Variants in TAFA2 observed in about 807,000 individuals in gnomAD.
TAFA2 encodes chemokine-like protein TAFA-2.
Under a neutral mutation model 18.8 loss-of-function variants are expected in TAFA2, and 7 were observed. The ratio of observed to expected loss-of-function variants is 0.37; its 90% CI spans 0.21 to 0.70. TAFA2 has a LOEUF of 0.70. TAFA2 is among the 30% of genes least tolerant of loss of function. The pLI is 0.53. For synonymous variants in TAFA2, 60 were observed against 54.2 expected (o/e 1.11, Z -0.47); for missense variants, 122 against 158.1 (o/e 0.77, Z 1.23).
intron 1 of TAFA2, among the ~76,000 whole-genome samples, chr12:62,137,669 C>G (rs1362523179): frequency 6.6e-6 from 1 of 152,122 alleles, no homozygotes; most frequent in Non-Finnish European, 1.5e-5. Flanking sequence ...CCACTCCAAC[C>G]ACCCTGATAC....
Position 61,943,293 on chromosome 12 carries a change from C to A in TAFA2, c.-1-75867G>T, listed in dbSNP as rs1878115843. ...CCACCAGGCCTGCCCTAAAAGAGCTCCTGAAGGAAGCACTAAACATGGAAA... is the reference window on the plus strand; with the variant it reads ...CCACCAGGCCTGCCCTAAAAGAGCTACTGAAGGAAGCACTAAACATGGAAA... On this transcript the variant is annotated intron_variant, in intron 1 of 4. Coordinates refer to ENST00000416284, the MANE Select transcript of TAFA2 (RefSeq NM_178539.5). Among the ~76,000 whole-genome samples, 4 of 148,328 alleles carry A rather than the reference C, an allele frequency of 2.7e-5. No individual in the cohort carries two copies. In the South Asian group the frequency reaches 8.7e-4, roughly 32 times the overall value.
intron 1 of TAFA2, among the ~76,000 whole-genome samples, chr12:61,933,573 G>C (rs950614623): frequency 3.3e-5 from 5 of 152,032 alleles, no homozygotes; most frequent in Admixed American, 1.3e-4. Context: ...AATTAGCCAG[G>C]AGTGGTGGTG....
At chr12:61,718,375 T>G (rs891288999) in intron 4 of TAFA2, among the ~76,000 whole-genome samples, 1 of 152,208 alleles carries the variant, frequency 6.6e-6, no homozygotes, top group Admixed American at 6.5e-5. Context: ...TTTCTGATTT[T>G]TAAGTAGCTA....
At chr12:62,132,781 G>A (rs1870742165) in intron 1 of TAFA2, among the ~76,000 whole-genome samples, 2 of 151,744 alleles carry the variant, frequency 1.3e-5, no homozygotes, top group South Asian at 4.1e-4. Flanking sequence ...TTTCAAATGA[G>A]CAAACAAATC....
At chr12:62,226,115 T>C (rs2062785265) in intron 1 of TAFA2, among the ~76,000 whole-genome samples, 1 of 152,226 alleles carries the variant, frequency 6.6e-6, no homozygotes, top group Non-Finnish European at 1.5e-5. Flanking sequence ...TCTCTTTACT[T>C]TCTCCAGTAA....
chr12:61,867,185 T>C, intron 2 of TAFA2, 135 bp downstream of exon 2: 1 of 618,004 alleles, frequency 1.6e-6, no homozygotes, highest in Non-Finnish European at 2.8e-6. Flanking sequence ...ACTGCATTAT[T>C]ACTTAAAGAA....
chr12:62,196,713 T>C (rs2062650545), upstream of TAFA2, among the ~76,000 whole-genome samples: 1 of 152,004 alleles, frequency 6.6e-6, no homozygotes, highest in East Asian at 1.9e-4. Flanking sequence ...CAGACCGCCA[T>C]AACAGATACA....
chr12:61,772,727 T>C (rs545924954), intron 2 of TAFA2, among the ~76,000 whole-genome samples: 2 of 152,028 alleles, frequency 1.3e-5, no homozygotes, highest in East Asian at 3.9e-4. Context: ...ATAAAAGCCA[T>C]CTATGACAAA....
intron 1 of TAFA2, among the ~76,000 whole-genome samples, chr12:61,941,401 G>T (rs1878006331): frequency 6.6e-6 from 1 of 152,122 alleles, no homozygotes; most frequent in South Asian, 2.1e-4. Flanking sequence ...AATTAATAGG[G>T]TAGGCAAAAC....
Position 62,235,313 on chromosome 12 carries a change from C to T in TAFA2, c.-130+23450G>A, listed in dbSNP as rs562329883. 16 of 667,954 alleles carry T rather than the reference C, an allele frequency of 2.4e-5. No homozygotes were observed. In the South Asian group the frequency reaches 2.6e-4, roughly 11 times the overall value. The allele number at this position is 667,954 out of a possible 1,614,324, so 41.4% of individuals were successfully genotyped here. A position where few individuals can be genotyped will look rare whatever the true frequency, so the allele number is the denominator to read the frequency against. ...CCTCAACAGACAACAAGGGGGCCCT[C>T]GGCATCTCTGTCCTGTGAGGAAAGT... On this transcript the variant is annotated intron_variant, in intron 1 of 5. Coordinates refer to the TAFA2 transcript ENST00000551619.
chr12:61,766,835 G>A (rs1265336259), intron 2 of TAFA2, among the ~76,000 whole-genome samples: 1 of 152,036 alleles, frequency 6.6e-6, no homozygotes, highest in Non-Finnish European at 1.5e-5. Flanking sequence ...AAAAACATTT[G>A]ACATTGTCTC....
At chr12:62,150,374 T>C (rs1180089912) in intron 1 of TAFA2, among the ~76,000 whole-genome samples, 1 of 152,326 alleles carries the variant, frequency 6.6e-6, no homozygotes, top group East Asian at 1.9e-4. Context: ...TAGCATATTC[T>C]AGAAAAAGAA....
chr12:61,929,346 A>T (rs1877451195), intron 1 of TAFA2, among the ~76,000 whole-genome samples: 1 of 152,152 alleles, frequency 6.6e-6, no homozygotes, highest in African/African-American at 2.4e-5. Flanking sequence ...TGGGCGAAGG[A>T]TATGAACAGA....
intron 2 of TAFA2, among the ~76,000 whole-genome samples, chr12:61,805,561 A>T (rs904857564): frequency 6.6e-6 from 1 of 152,186 alleles, no homozygotes; most frequent in African/African-American, 2.4e-5. Flanking sequence ...ACTAATTAAT[A>T]TAGTGGCAGA....
chr12:61,966,561 C>A (rs1383489379), intron 1 of TAFA2, among the ~76,000 whole-genome samples: 1 of 151,888 alleles, frequency 6.6e-6, no homozygotes, highest in East Asian at 1.9e-4. Context: ...TCATTATTTT[C>A]TGTTATTGTT....
chr12:61,804,623 A>G (rs1422625347), intron 2 of TAFA2, among the ~76,000 whole-genome samples: 2 of 152,096 alleles, frequency 1.3e-5, no homozygotes, highest in African/African-American at 4.8e-5. Flanking sequence ...TGTTGAGTCC[A>G]GTTAAGTTTC....
intron 1 of TAFA2, chr12:62,135,940 T>C (rs1870878975): frequency 1.3e-5 from 2 of 152,122 alleles, no homozygotes; most frequent in Admixed American, 6.6e-5. Context: ...TGATTGACTT[T>C]TCCCTGCTCC....
intron 1 of TAFA2, among the ~76,000 whole-genome samples, chr12:61,889,639 A>G (rs1385928810): frequency 6.6e-6 from 1 of 152,220 alleles, no homozygotes; most frequent in Non-Finnish European, 1.5e-5. Context: ...TCATTAATAG[A>G]ACAAAATTAT....
At chr12:61,844,476 T>C (rs1376654345) in intron 2 of TAFA2, among the ~76,000 whole-genome samples, 2 of 152,146 alleles carry the variant, frequency 1.3e-5, no homozygotes, top group Non-Finnish European at 2.9e-5. Context: ...CAAATGATTA[T>C]TAATTCTTTG....
Sources: gnomAD v4.1 joint callset for allele counts (sites outside exome capture counted in the v4.1 genomes callset) on GRCh38, gnomAD v4.1.1 for gene constraint, MANE v1.5 for transcripts, NCBI Gene and HGNC (gene_info 2026-07-23, HGNC 2026-07-21) for gene names.